ERICH5: variants seen among roughly 807,000 people sequenced by gnomAD.
The protein encoded by ERICH5 is glutamate-rich protein 5.
A neutral mutation model predicts 28.0 loss-of-function variants in ERICH5; 24 were observed. The observed-to-expected ratio is 0.86, with a 90% CI of 0.62 to 1.21. ERICH5 has a LOEUF of 1.21. Ranked by LOEUF, ERICH5 falls within the 50% of genes most tolerant of loss-of-function variation. The pLI is 0.00. For synonymous variants in ERICH5, 163 were observed against 157.6 expected (o/e 1.03, Z -0.25); for missense variants, 421 against 441.2 (o/e 0.95, Z 0.41).
At chr8:98,079,061 T>C (rs1815116804) in intron 1 of ERICH5, among the ~76,000 whole-genome samples, 1 of 151,962 alleles carries the variant, frequency 6.6e-6, no homozygotes, top group Non-Finnish European at 1.5e-5. Context: ...AGAGGTAATG[T>C]GTAGCCACCA....
At chr8:98,088,434 T>C (rs1057377601) in intron 1 of ERICH5, among the ~76,000 whole-genome samples, 3 of 152,196 alleles carry the variant, frequency 2.0e-5, no homozygotes, top group Non-Finnish European at 2.9e-5. Flanking sequence ...AATGCATGTT[T>C]CTCTGCTTTC....
chr8:98,092,868 C>T (rs532339903), intron 2 of ERICH5, among the ~76,000 whole-genome samples: 23 of 151,554 alleles, frequency 1.5e-4, no homozygotes, highest in South Asian at 6.3e-4. Context: ...TTCTGCCTCC[C>T]GGCTTCAAGT....
chr8:98,078,315 G>T (rs1352883373), intron 1 of ERICH5, among the ~76,000 whole-genome samples: 1 of 152,120 alleles, frequency 6.6e-6, no homozygotes, highest in African/African-American at 2.4e-5. Flanking sequence ...AAGATGAGTG[G>T]ACTACTCCTC....
intron 1 of ERICH5, among the ~76,000 whole-genome samples, chr8:98,073,100 T>C (rs1227327423): frequency 2.0e-5 from 3 of 152,068 alleles, no homozygotes; most frequent in African/African-American, 7.2e-5. Flanking sequence ...TATAGAGTGC[T>C]GATTAAGAAT....
At chr8:98,081,675 C>T (rs1337182998) in intron 1 of ERICH5, among the ~76,000 whole-genome samples, 1 of 152,144 alleles carries the variant, frequency 6.6e-6, no homozygotes, top group East Asian at 1.9e-4. Flanking sequence ...CGCCTGTAAC[C>T]CCAGCACTTT....
chr8:98,080,684 T>G (rs1252543028), intron 1 of ERICH5, among the ~76,000 whole-genome samples: 1 of 149,936 alleles, frequency 6.7e-6, no homozygotes, highest in African/African-American at 2.5e-5. Context: ...CTTCTTCTTC[T>G]TCTTCTCCCC....
intron 1 of ERICH5, among the ~76,000 whole-genome samples, chr8:98,079,084 T>C (rs1364544979): frequency 6.6e-6 from 1 of 151,350 alleles, no homozygotes; most frequent in African/African-American, 2.4e-5. Flanking sequence ...TTGTGCTTAA[T>C]GAAGGGAGTA....
intron 1 of ERICH5, among the ~76,000 whole-genome samples, chr8:98,082,081 C>T (rs1433975240): frequency 2.0e-5 from 3 of 152,138 alleles, no homozygotes; most frequent in Admixed American, 6.5e-5. Flanking sequence ...CTCTGAAATA[C>T]AGCCATTTCA....
chr8:98,074,968 A>C (rs1253133663), intron 1 of ERICH5, among the ~76,000 whole-genome samples: 1 of 152,142 alleles, frequency 6.6e-6, no homozygotes, highest in Admixed American at 6.5e-5. Context: ...AGAGTTTCTC[A>C]GATTGTCCTT....
At chr8:98,074,661 C>T (rs1156854951) in intron 1 of ERICH5, among the ~76,000 whole-genome samples, 1 of 151,958 alleles carries the variant, frequency 6.6e-6, no homozygotes. Flanking sequence ...GGCCTCCCTG[C>T]TATAATTTTT....
At chr8:98,091,932 TC>T (rs1354295978) in intron 2 of ERICH5, among the ~76,000 whole-genome samples, 15 of 63,506 alleles carry the variant, frequency 2.4e-4, no homozygotes, top group African/African-American at 8.3e-4. Context: ...TTTCTTTCTT[TC>T]TTCCTTTCTT....
intron 1 of ERICH5, among the ~76,000 whole-genome samples, chr8:98,077,468 T>A (rs1435445011): frequency 6.6e-6 from 1 of 152,250 alleles, no homozygotes; most frequent in African/African-American, 2.4e-5. Context: ...GTCAATAATT[T>A]CTAAAGTGAT....
Position 98,089,394 on chromosome 8 carries a change from CA to C in ERICH5, c.378del (p.Ala127GlnfsTer17), listed in dbSNP as rs933281427. The C allele has an allele frequency of 6.2e-7, 1 of 1,614,106 alleles. No individual in the cohort carries two copies. The highest frequency in any genetic ancestry group is 1.3e-5 in the African/African-American group (1 of 74,942). ...PQPGGKEDAP[A>X]AEGKKKDAGA... ...CCAGGTGGCAAAGAGGATGCCCCAG[CA>C]GCAGAAGGAAAGAAGAAAGATGCAG... is the stretch of plus-strand genomic sequence containing the variant. On this transcript the variant is annotated frameshift_variant, in exon 2 of 3. Coordinates refer to ENST00000318528, the MANE Select transcript of ERICH5 (RefSeq NM_173549.3). LOFTEE classifies it high-confidence loss of function.
At chr8:98,077,709 G>C (rs912772859) in intron 1 of ERICH5, among the ~76,000 whole-genome samples, 5 of 151,968 alleles carry the variant, frequency 3.3e-5, no homozygotes. Context: ...TACTAATTAT[G>C]TTCTTGTTTC....
rs563636269 is a variant in ERICH5 at position 98,082,612 on chromosome 8, T to A, written c.59-6464T>A. Reference sequence around the variant, plus strand: ...GTGAGCCAAGATCACACCATTGCACTCCAGCCTGGGCAGTAAGAGCAAAAC... The same window carrying A: ...GTGAGCCAAGATCACACCATTGCACACCAGCCTGGGCAGTAAGAGCAAAAC... On this transcript the variant is annotated intron_variant, in intron 1 of 2. Transcript: ENST00000318528. Among the ~76,000 whole-genome samples, 34 of 143,168 alleles carry A rather than the reference T, an allele frequency of 2.4e-4. 2 individuals carry two copies. The South Asian group carries it at 6.8e-3, about 29-fold the overall frequency. The allele number at this position is 143,168 out of a possible 152,430, so 93.9% of individuals were successfully genotyped here. A position where few individuals can be genotyped will look rare whatever the true frequency, so the allele number is the denominator to read the frequency against.
chr8:98,074,979 GT>G (rs1480411691), intron 1 of ERICH5, among the ~76,000 whole-genome samples: 1 of 152,096 alleles, frequency 6.6e-6, no homozygotes, highest in Non-Finnish European at 1.5e-5. Flanking sequence ...GATTGTCCTT[GT>G]TTTTGATGAC....
At chr8:98,091,909 C>CT (rs1815406833) in intron 2 of ERICH5, among the ~76,000 whole-genome samples, 2 of 82,938 alleles carry the variant, frequency 2.4e-5, no homozygotes, top group South Asian at 4.5e-4. Flanking sequence ...TCCTTTCTTT[C>CT]TTTCTTTCTT....
chr8:98,091,963 T>TC (rs1563759758), intron 2 of ERICH5, among the ~76,000 whole-genome samples: 2 of 79,524 alleles, frequency 2.5e-5, no homozygotes, highest in East Asian at 3.1e-4. Context: ...TTTCTTTCTT[T>TC]TTTCTTTCTT....
intron 1 of ERICH5, among the ~76,000 whole-genome samples, chr8:98,065,492 A>C (rs980612126): frequency 3.3e-5 from 5 of 152,248 alleles, no homozygotes; most frequent in Admixed American, 3.3e-4. Context: ...ATAATACCCC[A>C]GTGCTTGGCT....
Sources: allele counts gnomAD v4.1 joint callset (sites outside exome capture counted in the v4.1 genomes callset), GRCh38; gene constraint gnomAD v4.1.1; transcripts MANE v1.5; gene names NCBI Gene and HGNC (gene_info 2026-07-23, HGNC 2026-07-21).